The following MTUS2 variants were observed in gnomAD, a reference collection of about 807,000 sequenced individuals.
MTUS2 encodes microtubule associated scaffold protein 2.
A neutral mutation model predicts 114.1 loss-of-function variants in MTUS2; 40 were observed. The ratio of observed to expected loss-of-function variants is 0.35; its 90% CI spans 0.27 to 0.46. The LOEUF is 0.46. Ranked by LOEUF, MTUS2 falls within the 20% of genes least tolerant of loss-of-function variation. The pLI, the probability that MTUS2 is intolerant of heterozygous loss-of-function variation, is 1.00. For missense variants in MTUS2, 1,679 were observed against 1,705.4 expected, an observed-to-expected ratio of 0.98 and a Z score of 0.27; for synonymous variants, 688 against 672.0, an observed-to-expected ratio of 1.02 and a Z score of -0.37.
chr13:29,080,034 A>T (rs1178522709), intron 4 of MTUS2, among the ~76,000 whole-genome samples: 1 of 152,182 alleles, frequency 6.6e-6, no homozygotes, highest in Non-Finnish European at 1.5e-5. Flanking sequence ...TGAACATGGG[A>T]TGCTTTCTAA....
At position 29,487,923 on chromosome 13, in the gene MTUS2, T is replaced by C. The variant is rs759793167; in HGVS notation, c.3423T>C (p.His1141=). The C allele has an allele frequency of 3.1e-6, 5 of 1,614,102 alleles. No homozygotes were observed. The Admixed American group carries it at 6.7e-5, about 22-fold the overall frequency. Residue 1141 remains histidine, a synonymous_variant, in exon 11 of 16, where the codon CAT becomes CAC. Transcript: ENST00000612955. ...QEQVEDLTAS[H]DAALLEMENN... is the part of the protein sequence containing the mutation. The stretch of plus-strand genomic sequence containing the variant: ...AGGTGGAAGATCTCACCGCCAGCCA[T>C]GATGCTGCTCTCCTAGAGATGGAAA...
chr13:29,086,162 T>TTATA (rs1203268808), intron 4 of MTUS2, among the ~76,000 whole-genome samples: 10 of 152,354 alleles, frequency 6.6e-5, no homozygotes, highest in African/African-American at 2.4e-4. Context: ...TTTAAGTTCC[T>TTATA]TATAGATTCT....
intron 2 of MTUS2, among the ~76,000 whole-genome samples, chr13:28,947,098 GT>G (rs1344351074): frequency 1.3e-5 from 2 of 152,176 alleles, no homozygotes; most frequent in Non-Finnish European, 2.9e-5. Context: ...CTTTATTGTG[GT>G]TGAGTTCACT....
intron 2 of MTUS2, among the ~76,000 whole-genome samples, chr13:28,867,929 G>A (rs1877398219): frequency 6.6e-6 from 1 of 152,168 alleles, no homozygotes; most frequent in Non-Finnish European, 1.5e-5. Context: ...CTAGGGCCCT[G>A]ATGGTTTAAT....
chr13:29,214,425 CATTA>C (rs2139296043), intron 5 of MTUS2, among the ~76,000 whole-genome samples: 1 of 152,258 alleles, frequency 6.6e-6, no homozygotes, highest in East Asian at 1.9e-4. Context: ...TTATTTTGCA[CATTA>C]ATTGATGCAG....
intron 2 of MTUS2, among the ~76,000 whole-genome samples, chr13:28,991,017 A>T (rs1416941976): frequency 6.6e-6 from 1 of 152,238 alleles, no homozygotes; most frequent in East Asian, 1.9e-4. Flanking sequence ...ACCAGAAGGA[A>T]TAAATTCCGG....
intron 8 of MTUS2, among the ~76,000 whole-genome samples, chr13:29,360,623 C>A (rs1390347406): frequency 6.6e-6 from 1 of 151,440 alleles, no homozygotes; most frequent in East Asian, 1.9e-4. Flanking sequence ...GAATTTCATA[C>A]CTTCCTTTCT....
chr13:29,291,182 G>A (rs986753162), intron 6 of MTUS2, among the ~76,000 whole-genome samples: 3 of 152,074 alleles, frequency 2.0e-5, no homozygotes, highest in Admixed American at 1.3e-4. Flanking sequence ...AGCCCGCCTG[G>A]TAGAGGCAGC....
Position 29,382,998 on chromosome 13 carries a change from G to A in MTUS2, c.3117+23525G>A, listed in dbSNP as rs185857543. 1.4e-4 allele frequency among the ~76,000 whole-genome samples: 21 copies of A among 152,292 alleles called. No individual in the cohort carries two copies. In the East Asian group the frequency reaches 2.3e-3, roughly 17 times the overall value. The stretch of plus-strand genomic sequence containing the variant: ...ACAGAGTTGGAATAAACACTAAGCC[G>A]TGTGGGGACGCAGCGAGGTTGTAGA... On this transcript the variant is annotated intron_variant, in intron 8 of 15. Transcript: ENST00000612955.
intron 4 of MTUS2, among the ~76,000 whole-genome samples, chr13:29,084,791 C>G (rs991338183): frequency 4.5e-5 from 6 of 132,884 alleles, no homozygotes; most frequent in Admixed American, 1.6e-4. Flanking sequence ...ACCCCCCCCC[C>G]TCACCGTTGG....
chr13:28,994,969 C>A (rs1885029151), intron 2 of MTUS2, among the ~76,000 whole-genome samples: 1 of 151,616 alleles, frequency 6.6e-6, no homozygotes, highest in Non-Finnish European at 1.5e-5. Context: ...GACATGAAGT[C>A]CTTGCCCATG....
At chr13:29,152,421 G>T (rs1035332770) in intron 5 of MTUS2, among the ~76,000 whole-genome samples, 1 of 152,218 alleles carries the variant, frequency 6.6e-6, no homozygotes, top group African/African-American at 2.4e-5. Flanking sequence ...AACTTAGAGG[G>T]ATAAAACAGC....
intron 2 of MTUS2, among the ~76,000 whole-genome samples, chr13:28,901,464 TA>T (rs1879639061): frequency 6.6e-6 from 1 of 152,232 alleles, no homozygotes; most frequent in Non-Finnish European, 1.5e-5. Context: ...GATTTTCTCC[TA>T]TTATTTTTTA....
intron 6 of MTUS2, among the ~76,000 whole-genome samples, chr13:29,290,511 T>C (rs1005060769): frequency 1.2e-4 from 18 of 151,970 alleles, no homozygotes; most frequent in African/African-American, 4.4e-4. Flanking sequence ...TTTGTATTTT[T>C]AGTAGAGACA....
intron 5 of MTUS2, among the ~76,000 whole-genome samples, chr13:29,213,959 A>G (rs576326919): frequency 4.7e-5 from 7 of 147,708 alleles, no homozygotes; most frequent in African/African-American, 1.5e-4. Context: ...TTCATGTATT[A>G]GCTATCTGTC....
chr13:29,004,293 A>G (rs1253834128), intron 2 of MTUS2, among the ~76,000 whole-genome samples: 1 of 152,240 alleles, frequency 6.6e-6, no homozygotes, highest in Non-Finnish European at 1.5e-5. Context: ...GATGGTTTGT[A>G]TATATTCTCA....
intron 8 of MTUS2, among the ~76,000 whole-genome samples, chr13:29,381,557 C>T (rs1872207357): frequency 1.3e-5 from 2 of 152,176 alleles, no homozygotes; most frequent in African/African-American, 2.4e-5. Context: ...TCATGACAGC[C>T]TTGTGTGGGC....
intron 5 of MTUS2, among the ~76,000 whole-genome samples, chr13:29,187,677 C>T (rs1894282282): frequency 6.6e-6 from 1 of 152,058 alleles, no homozygotes; most frequent in South Asian, 2.1e-4. Flanking sequence ...TTTGATTTTT[C>T]CTTATTTCCT....
At chr13:29,303,914 A>G (rs931201807) in intron 6 of MTUS2, among the ~76,000 whole-genome samples, 4 of 152,138 alleles carry the variant, frequency 2.6e-5, no homozygotes, top group African/African-American at 9.7e-5. Flanking sequence ...ACAAAGGGAA[A>G]CCCATCAGAC....
Sources: allele counts gnomAD v4.1 joint callset (sites outside exome capture counted in the v4.1 genomes callset), GRCh38; gene constraint gnomAD v4.1.1; transcripts MANE v1.5; gene names NCBI Gene and HGNC (gene_info 2026-07-23, HGNC 2026-07-21).